The following FBXO45 variants were observed in gnomAD, a reference collection of about 807,000 sequenced individuals.
The protein encoded by FBXO45 is F-box/SPRY domain-containing protein 1.
Under a neutral mutation model 25.5 loss-of-function variants are expected in FBXO45, and 3 were observed. The observed-to-expected ratio is 0.12, with a 90% CI of 0.05 to 0.30. The LOEUF (loss-of-function observed/expected upper bound fraction) is 0.30, where lower values mean the gene tolerates loss of function less well. Among genes scored for constraint, FBXO45 ranks in the 10% least tolerant of loss-of-function variants. FBXO45 has a pLI of 1.00. For missense variants in FBXO45, 219 were observed against 365.0 expected, an observed-to-expected ratio of 0.60 and a Z score of 3.26; for synonymous variants, 155 against 149.8, an observed-to-expected ratio of 1.03 and a Z score of -0.25.
chr3:196,571,344 T>C (rs551427260), intron 1 of FBXO45, among the ~76,000 whole-genome samples: 1 of 152,112 alleles, frequency 6.6e-6, no homozygotes, highest in African/African-American at 2.4e-5. Context: ...CTCCTTAGCT[T>C]AGCCTCCCGA....
chr3:196,584,092 C>G lies in FBXO45; in HGVS notation c.676-41C>G, dbSNP rs764097204. ...GTGTCTTGTTTCTTCTAGCTACACC[C>G]TTGGCAGATTTTCTTCTAACCTTTT... On this transcript the variant is annotated intron_variant, in intron 2 of 2. Coordinates refer to ENST00000311630, the MANE Select transcript of FBXO45 (RefSeq NM_001105573.2). The surrounding 1 kb of genome is among the most constrained non-coding windows in gnomAD (Gnocchi z 4.3). 1.9e-6 allele frequency: 3 copies of G among 1,586,912 alleles called. No individual in the cohort carries two copies. Among genetic ancestry groups the G allele is most frequent in the African/African-American group, 1.4e-5 (1 of 73,688 alleles).
At chr3:196,582,398 T>G in intron 2 of FBXO45, among the ~76,000 whole-genome samples, 1 of 152,084 alleles carries the variant, frequency 6.6e-6, no homozygotes, top group East Asian at 1.9e-4. Flanking sequence ...CTTAGATCCA[T>G]AAAATGAGGT....
In FBXO45 at chr3:196,569,353, C is replaced by A. The variant is rs772639075; in HGVS notation, c.318+51C>A. The A allele has an allele frequency of 1.4e-6, 2 of 1,435,814 alleles. No individual in the cohort carries two copies. Among genetic ancestry groups the A allele is most frequent in the South Asian group, 2.8e-5 (2 of 70,866 alleles). The allele number at this position is 1,435,814 out of a possible 1,614,324, so 88.9% of individuals were successfully genotyped here. A position where few individuals can be genotyped will look rare whatever the true frequency, so the allele number is the denominator to read the frequency against. ...TGCCCCCAGTCCCGCTCCCCGGCGT[C>A]GTTCGCGGTGTTTCTCATCCGAGCT... On this transcript the variant is annotated intron_variant, in intron 1 of 2. Coordinates refer to ENST00000311630, the MANE Select transcript of FBXO45 (RefSeq NM_001105573.2). The surrounding 1 kb of genome is among the most constrained non-coding windows in gnomAD (Gnocchi z 4.1).
chr3:196,583,053 T>C (rs934527195), intron 2 of FBXO45, among the ~76,000 whole-genome samples: 4 of 152,178 alleles, frequency 2.6e-5, no homozygotes, highest in South Asian at 2.1e-4. Context: ...TAAACTCTGC[T>C]CTACAACTAT....
intron 2 of FBXO45, 119 bp downstream of exon 2, chr3:196,577,928 AT>A: frequency 1.9e-6 from 1 of 527,798 alleles, no homozygotes; most frequent in Non-Finnish European, 2.8e-6. Context: ...TATTTTTATT[AT>A]TTTTTTATTT....
chr3:196,569,890 G>C lies in FBXO45; in HGVS notation c.318+588G>C, dbSNP rs972472055. Among the ~76,000 whole-genome samples the C allele has an allele frequency of 6.6e-6, 1 of 152,102 alleles. No individual in the cohort carries two copies. Among genetic ancestry groups the C allele is most frequent in the Non-Finnish European group, 1.5e-5 (1 of 68,026 alleles). Reference sequence around the variant, plus strand: ...ATACAGGCTTTTATAGAACGTCCACGGGCACCACCTAACATACTGCTTTGT... The same window carrying C: ...ATACAGGCTTTTATAGAACGTCCACCGGCACCACCTAACATACTGCTTTGT... On this transcript the variant is annotated intron_variant, in intron 1 of 2. Coordinates refer to ENST00000311630, the MANE Select transcript of FBXO45 (RefSeq NM_001105573.2). This position sits in a 1 kb window ranked among gnomAD's most constrained non-coding sequence, Gnocchi z 4.1.
intron 2 of FBXO45, among the ~76,000 whole-genome samples, chr3:196,578,530 A>G (rs1052172899): frequency 1.3e-5 from 2 of 151,072 alleles, no homozygotes; most frequent in African/African-American, 2.4e-5. Flanking sequence ...TTTTAATGTC[A>G]TTTTCAAGGT....
Position 196,569,293 on chromosome 3 carries a change from C to T in FBXO45, c.309C>T (p.Tyr103=). The stretch of plus-strand genomic sequence containing the variant: ...ACATCCTGTGCAACCTGCCCAGCTA[C>T]AAGGCCAAGGTGAGAGAGCCCCGGG... ...RTDILCNLPS[Y]KAKIRAFQHA... The change falls in exon 1 of 3, where the codon TAC becomes TAT. Residue 103 remains tyrosine, a synonymous_variant. Coordinates refer to ENST00000311630, the MANE Select transcript of FBXO45 (RefSeq NM_001105573.2). This position sits in a 1 kb window ranked among gnomAD's most constrained non-coding sequence, Gnocchi z 4.1. 6.4e-7 allele frequency: 1 copy of T among 1,565,924 alleles called. No homozygotes were observed. Among genetic ancestry groups the T allele is most frequent in the South Asian group, 1.2e-5 (1 of 85,380 alleles).
intron 1 of FBXO45, among the ~76,000 whole-genome samples, chr3:196,577,117 C>T (rs183512270): frequency 6.6e-6 from 1 of 152,310 alleles, no homozygotes; most frequent in Admixed American, 6.5e-5. Context: ...AAGCAATTCC[C>T]AGATACCATT....
chr3:196,572,349 G>A (rs957861276), intron 1 of FBXO45, among the ~76,000 whole-genome samples: 2 of 152,184 alleles, frequency 1.3e-5, no homozygotes, highest in African/African-American at 2.4e-5. Context: ...ATGTAAAACC[G>A]CATCTGGTAA....
intron 2 of FBXO45, among the ~76,000 whole-genome samples, chr3:196,583,582 G>A (rs1001042664): frequency 1.3e-5 from 2 of 151,758 alleles, no homozygotes; most frequent in Non-Finnish European, 2.9e-5. Flanking sequence ...GCTCTTTTTG[G>A]TAAAATATGC....
rs902667872 is a variant in FBXO45 at position 196,569,027 on chromosome 3, G to A, written c.43G>A (p.Ala15Thr). The A allele has an allele frequency of 1.2e-5, 12 of 1,039,214 alleles. No homozygotes were observed. The highest frequency in any genetic ancestry group is 6.9e-5 in the African/African-American group (4 of 57,842). 64.4% of individuals were successfully genotyped at this position (1,039,214 alleles called of 1,614,324 possible). Residue 15 changes from alanine (A) to threonine (T), a missense_variant, in exon 1 of 3, where the codon GCT becomes ACT. This residue lies in a region of FBXO45 where 138 missense variants were observed against 157.3 expected (regional missense o/e 0.88). Transcript: ENST00000311630. This position sits in a 1 kb window ranked among gnomAD's most constrained non-coding sequence, Gnocchi z 4.1. ...GGGGGCTGGGGCAGCCTCGGGCGGC[G>A]CTGGCTGTAGCGGCGGCGGCGCGGG... ...APGAGAASGGAGCSGGGAGAG... is the reference protein window; with the variant it reads ...APGAGAASGGTGCSGGGAGAG...
Position 196,586,078 on chromosome 3 carries a change from AAT to A in FBXO45, c.*1761_*1762del, listed in dbSNP as rs1405936757. ...GAAGAAACCTCCTTGTATTGAGTGA[AAT>A]TATATGTTAAATGTATTAGAGAATG... On this transcript the variant is annotated 3_prime_UTR_variant, in exon 3 of 3. Coordinates refer to ENST00000311630, the MANE Select transcript of FBXO45 (RefSeq NM_001105573.2). 2 of 152,200 alleles carry A rather than the reference AAT, an allele frequency of 1.3e-5. No homozygotes were observed. The highest frequency in any genetic ancestry group is 4.8e-5 in the African/African-American group (2 of 41,452). The allele number at this position is 152,200 out of a possible 1,614,324, so 9.4% of individuals were successfully genotyped here.
At position 196,588,008 on chromosome 3, in the gene FBXO45, T is replaced by G. The variant is rs888754847; in HGVS notation, c.*3690T>G. On this transcript the variant is annotated 3_prime_UTR_variant, in exon 3 of 3. Transcript: ENST00000311630. This position sits in a 1 kb window ranked among gnomAD's most constrained non-coding sequence, Gnocchi z 4.2. ...GTGCGGTGGTGTGATCTCAGTTCAC[T>G]GCAACCTTTGCCTCCCGGGTTCAAG... 2 of 152,208 alleles carry G rather than the reference T, an allele frequency of 1.3e-5. No homozygotes were observed. Among genetic ancestry groups the G allele is most frequent in the Admixed American group, 6.5e-5 (1 of 15,274 alleles). 9.4% of individuals were successfully genotyped at this position (152,208 alleles called of 1,614,324 possible).
At chr3:196,579,572 G>C (rs973147016) in intron 2 of FBXO45, among the ~76,000 whole-genome samples, 3 of 152,160 alleles carry the variant, frequency 2.0e-5, no homozygotes, top group Admixed American at 1.3e-4. Context: ...TATGTGGTCT[G>C]TCTGGATGAG....
rs1736118377 is a variant in FBXO45, at chr3:196,586,815, A to G, written c.*2497A>G. ...ATATGAGCTGGTCATAAGGATTTTT[A>G]AAAACTTTCTGGTCATTTCAATATG... is the stretch of plus-strand genomic sequence containing the variant. On this transcript the variant is annotated 3_prime_UTR_variant, in exon 3 of 3. Transcript: ENST00000311630. The G allele has an allele frequency of 6.6e-6, 1 of 152,182 alleles. No homozygotes were observed. Among genetic ancestry groups the G allele is most frequent in the African/African-American group, 2.4e-5 (1 of 41,440 alleles). The allele number at this position is 152,182 out of a possible 1,614,324, so 9.4% of individuals were successfully genotyped here. A position where few individuals can be genotyped will look rare whatever the true frequency, so the allele number is the denominator to read the frequency against.
In FBXO45 at chr3:196,586,429, C is replaced by T. The variant is rs891040811; in HGVS notation, c.*2111C>T. 6.6e-6 allele frequency: 1 copy of T among 152,152 alleles called. No individual in the cohort carries two copies. The highest frequency in any genetic ancestry group is 2.4e-5 in the African/African-American group (1 of 41,426). The allele number at this position is 152,152 out of a possible 1,614,324, so 9.4% of individuals were successfully genotyped here. A position where few individuals can be genotyped will look rare whatever the true frequency, so the allele number is the denominator to read the frequency against. On this transcript the variant is annotated 3_prime_UTR_variant, in exon 3 of 3. Transcript: ENST00000311630. The stretch of plus-strand genomic sequence containing the variant: ...AATTGCCTCAATATTTAACAACAAG[C>T]CATTCTTATCTCAAAGATTTAAATT...
intron 1 of FBXO45, among the ~76,000 whole-genome samples, chr3:196,575,514 T>C (rs1735898088): frequency 6.6e-6 from 1 of 151,630 alleles, no homozygotes; most frequent in African/African-American, 2.4e-5. Flanking sequence ...AGTGTCAATG[T>C]GAAATTGGAA....
rs537177444 is a variant in FBXO45, at chr3:196,577,737, G to A, written c.603G>A (p.Val201=). 5.3e-5 allele frequency: 85 copies of A among 1,613,890 alleles called. No homozygotes were observed. The South Asian group carries it at 6.5e-4, about 12-fold the overall frequency. ...ACCAGAGCTGGGGCTGGAATCTGGT[G>A]GACAATAATCTACTACATAATGGAG... The part of the protein sequence containing the change: ...SDDQSWGWNL[V]DNNLLHNGEV... The change falls in exon 2 of 3, where the codon GTG becomes GTA. Residue 201 remains valine (V), a synonymous_variant. Coordinates refer to ENST00000311630, the MANE Select transcript of FBXO45 (RefSeq NM_001105573.2).
Sources: allele counts gnomAD v4.1 joint callset (sites outside exome capture counted in the v4.1 genomes callset), GRCh38; gene constraint gnomAD v4.1.1; regional missense constraint gnomAD v4.1.1; non-coding constraint Gnocchi (gnomAD v3.1); transcripts MANE v1.5; gene names NCBI Gene and HGNC (gene_info 2026-07-23, HGNC 2026-07-21).